FHIT: variants seen among roughly 807,000 people sequenced by gnomAD.
The protein encoded by FHIT is fragile histidine triad diadenosine triphosphatase.
A neutral mutation model predicts 17.9 loss-of-function variants in FHIT; 19 were observed. The observed-to-expected ratio is 1.06, with a 90% CI of 0.74 to 1.56. The LOEUF (loss-of-function observed/expected upper bound fraction) is 1.56. Ranked by LOEUF, FHIT falls within the 40% of genes most tolerant of loss-of-function variation. FHIT has a pLI of 0.00. For missense variants in FHIT, 248 were observed against 189.2 expected, an observed-to-expected ratio of 1.31 and a Z score of -1.82; for synonymous variants, 81 against 69.7, an observed-to-expected ratio of 1.16 and a Z score of -0.81.
At chr3:60,858,775 T>C (rs1703490386) in intron 3 of FHIT, among the ~76,000 whole-genome samples, 2 of 152,178 alleles carry the variant, frequency 1.3e-5, no homozygotes, top group African/African-American at 2.4e-5. Context: ...GTCTGTGGCA[T>C]TGAGACCATT....
intron 5 of FHIT, among the ~76,000 whole-genome samples, chr3:60,476,460 G>A (rs2033348789): frequency 6.6e-6 from 1 of 152,206 alleles, no homozygotes; most frequent in Admixed American, 6.5e-5. Flanking sequence ...TACTGCAATA[G>A]GGAGAGCTCT....
At chr3:60,589,376 G>C (rs1553663338) in intron 4 of FHIT, among the ~76,000 whole-genome samples, 1 of 151,984 alleles carries the variant, frequency 6.6e-6, no homozygotes, top group African/African-American at 2.4e-5. Flanking sequence ...TACAAAGGGA[G>C]GAAGCCCATT....
At chr3:60,897,676 G>T (rs565476489) in intron 3 of FHIT, among the ~76,000 whole-genome samples, 1 of 152,232 alleles carries the variant, frequency 6.6e-6, no homozygotes, top group East Asian at 1.9e-4. Flanking sequence ...CTTCAAAACT[G>T]CATGACCTTT....
chr3:60,611,927 G>A (rs1353386502), intron 4 of FHIT, among the ~76,000 whole-genome samples: 1 of 152,090 alleles, frequency 6.6e-6, no homozygotes, highest in East Asian at 1.9e-4. Flanking sequence ...CAGTCATGTA[G>A]GGCCCCCTTA....
intron 5 of FHIT, among the ~76,000 whole-genome samples, chr3:60,156,651 C>T (rs895342470): frequency 6.6e-6 from 1 of 151,992 alleles, no homozygotes; most frequent in African/African-American, 2.4e-5. Flanking sequence ...ACTCAGGAGG[C>T]TGAGGTGAGA....
chr3:59,808,930 C>T (rs1700307935), intron 8 of FHIT, among the ~76,000 whole-genome samples: 1 of 152,088 alleles, frequency 6.6e-6, no homozygotes, highest in Non-Finnish European at 1.5e-5. Context: ...AGGCATTGTG[C>T]TTGAAAAACT....
At chr3:60,016,090 G>T (rs562324087) in intron 5 of FHIT, among the ~76,000 whole-genome samples, 1 of 152,294 alleles carries the variant, frequency 6.6e-6, no homozygotes, top group African/African-American at 2.4e-5. Context: ...CATAGGCTAT[G>T]AAGACACATT....
intron 2 of FHIT, among the ~76,000 whole-genome samples, chr3:61,047,146 G>C (rs11092880): frequency 6.6e-6 from 1 of 152,150 alleles, no homozygotes; most frequent in African/African-American, 2.4e-5. Context: ...TCAGACAATA[G>C]AAAGAAATAA....
chr3:60,456,179 T>C (rs752595898), intron 5 of FHIT, among the ~76,000 whole-genome samples: 31 of 152,228 alleles, frequency 2.0e-4, no homozygotes, highest in Admixed American at 3.3e-4. Context: ...CAAGATACAG[T>C]GTTGCCTTTA....
intron 4 of FHIT, among the ~76,000 whole-genome samples, chr3:60,603,676 T>A (rs782574621): frequency 6.6e-6 from 1 of 152,164 alleles, no homozygotes; most frequent in African/African-American, 2.4e-5. Context: ...TATAAATGTA[T>A]CTCTTTCAAT....
At chr3:60,116,795 A>T (rs796562944) in intron 5 of FHIT, among the ~76,000 whole-genome samples, 1 of 152,160 alleles carries the variant, frequency 6.6e-6, no homozygotes, top group Non-Finnish European at 1.5e-5. Flanking sequence ...TTCTCTGTTG[A>T]TATGAAAATT....
At chr3:59,986,903 T>A (rs1708996760) in intron 7 of FHIT, among the ~76,000 whole-genome samples, 1 of 119,126 alleles carries the variant, frequency 8.4e-6, no homozygotes, top group Non-Finnish European at 1.6e-5. Context: ...ATATTTTATA[T>A]TATATATTAA....
chr3:60,027,840 T>C (rs1372528514), intron 5 of FHIT, among the ~76,000 whole-genome samples: 1 of 152,216 alleles, frequency 6.6e-6, no homozygotes, highest in East Asian at 1.9e-4. Context: ...AGAGCAGTGC[T>C]GTCTAGTGGA....
intron 5 of FHIT, among the ~76,000 whole-genome samples, chr3:60,299,121 G>T (rs971216258): frequency 1.3e-5 from 2 of 152,258 alleles, no homozygotes; most frequent in African/African-American, 2.4e-5. Flanking sequence ...TGATCCATTT[G>T]TGTAGAGTCA....
rs529438485 is a variant in FHIT at position 60,429,954 on chromosome 3, G to A, written c.103+106906C>T. On this transcript the variant is annotated intron_variant, in intron 5 of 9. Coordinates refer to ENST00000492590, the MANE Select transcript of FHIT (RefSeq NM_002012.4). ...ACTGTTGGACTTGGTCATGTGACTC[G>A]CATGAAAAGGCAACAGAAGACCATG... is the stretch of plus-strand genomic sequence containing the variant. 5.6e-4 allele frequency among the ~76,000 whole-genome samples: 85 copies of A among 151,960 alleles called. 2 individuals carry two copies. Among genetic ancestry groups the A allele is most frequent in the South Asian group, 1.2e-3 (6 of 4,806 alleles).
chr3:60,843,968 C>T (rs2106878561), intron 3 of FHIT, among the ~76,000 whole-genome samples: 1 of 152,146 alleles, frequency 6.6e-6, no homozygotes, highest in African/African-American at 2.4e-5. Context: ...TTCTGGTAAT[C>T]AAGAGGGAGA....
At chr3:60,108,341 C>T (rs1022417844) in intron 5 of FHIT, among the ~76,000 whole-genome samples, 6 of 152,194 alleles carry the variant, frequency 3.9e-5, no homozygotes, top group Admixed American at 1.3e-4. Flanking sequence ...TAAATTCAAG[C>T]TAGCTCAAAA....
intron 5 of FHIT, among the ~76,000 whole-genome samples, chr3:60,359,593 T>C (rs1229980324): frequency 6.6e-6 from 1 of 152,194 alleles, no homozygotes; most frequent in Non-Finnish European, 1.5e-5. Context: ...TATCAAAATA[T>C]CTTTTTCGAA....
intron 4 of FHIT, among the ~76,000 whole-genome samples, chr3:60,618,480 G>A (rs150522341): frequency 3.2e-4 from 49 of 152,172 alleles, no homozygotes; most frequent in Non-Finnish European, 6.0e-4. Flanking sequence ...TTCCCTCCAT[G>A]TGTTGACGTG....
Sources: gnomAD v4.1 joint callset for allele counts (sites outside exome capture counted in the v4.1 genomes callset) on GRCh38, gnomAD v4.1.1 for gene constraint, MANE v1.5 for transcripts, NCBI Gene and HGNC (gene_info 2026-07-23, HGNC 2026-07-21) for gene names.